FRMPD4: variants seen among roughly 807,000 people sequenced by gnomAD.
FRMPD4 encodes FERM and PDZ domain containing 4, also known as FERM and PDZ domain-containing protein 4.
In FRMPD4, 22 loss-of-function variants were observed where a neutral mutation model predicts 94.1. That is an observed-to-expected ratio of 0.23 (90% CI 0.17 to 0.33). FRMPD4 has a LOEUF of 0.33. Ranked by LOEUF, FRMPD4 falls within the 10% of genes least tolerant of loss-of-function variation. FRMPD4 has a pLI of 1.00. For synonymous variants in FRMPD4, 631 were observed against 548.6 expected, an observed-to-expected ratio of 1.15 and a Z score of -2.10; for missense variants, 1,111 against 1,339.9, an observed-to-expected ratio of 0.83 and a Z score of 2.67.
At chrX:11,962,211 A>G (rs892880525) in intron 3 of FRMPD4, among the ~76,000 whole-genome samples, 2 of 112,163 alleles carry the variant, frequency 1.8e-5, no homozygotes, top group East Asian at 2.8e-4. Context: ...TCTGTTATTT[A>G]TAAGTTACCC....
chrX:12,148,830 A>G (rs1235155403), intron 1 of FRMPD4, among the ~76,000 whole-genome samples: 1 of 112,197 alleles, frequency 8.9e-6, no homozygotes, highest in East Asian at 2.8e-4. Flanking sequence ...GAATTATGCT[A>G]ACTCTACTCT....
chrX:12,075,919 A>G (rs763039949), intron 3 of FRMPD4, among the ~76,000 whole-genome samples: 41 of 111,559 alleles, frequency 3.7e-4, no homozygotes, highest in African/African-American at 1.3e-3. Flanking sequence ...TTTAACCCCC[A>G]CTTCTGGCCT....
At chrX:12,535,915 C>G (rs1050666812) in intron 2 of FRMPD4, among the ~76,000 whole-genome samples, 1 of 110,589 alleles carries the variant, frequency 9.0e-6, no homozygotes, top group Admixed American at 9.7e-5. Context: ...AGATGTAGCT[C>G]ATTGCCTGGT....
At chrX:12,327,668 A>T (rs753882979) in intron 1 of FRMPD4, among the ~76,000 whole-genome samples, 6 of 111,672 alleles carry the variant, frequency 5.4e-5, no homozygotes, top group Non-Finnish European at 1.1e-4. Context: ...CTCTAGTAAC[A>T]GTTGCCAGAG....
chrX:12,717,038 A>G lies in FRMPD4; in HGVS notation c.2579A>G (p.Lys860Arg), dbSNP rs1569074310. The change falls in exon 15 of 17, where the codon AAG becomes AGG. Residue 860 changes from lysine to arginine, a missense_variant. By Grantham distance (26) the Lys-to-Arg change is conservative. Transcript: ENST00000675598. ...GCTGTGCCCACCAGCGCCGAAGGCAAGTGTGAGAAGGGACTGGATAATGCC... is the reference window on the plus strand; with the variant it reads ...GCTGTGCCCACCAGCGCCGAAGGCAGGTGTGAGAAGGGACTGGATAATGCC... The part of the protein sequence containing the change: ...IDAVPTSAEG[K>R]CEKGLDNAVV... 1.7e-6 allele frequency: 2 copies of G among 1,210,584 alleles called. No homozygotes were observed. Among genetic ancestry groups the G allele is most frequent in the Non-Finnish European group, 2.2e-6 (2 of 894,014 alleles).
chrX:12,240,586 A>G (rs2057118336), intron 1 of FRMPD4, among the ~76,000 whole-genome samples: 1 of 112,399 alleles, frequency 8.9e-6, no homozygotes, highest in Admixed American at 9.4e-5. Context: ...AGCTGTCATT[A>G]TTTCAGCTCA....
intron 3 of FRMPD4, among the ~76,000 whole-genome samples, chrX:11,935,064 T>C (rs1227990391): frequency 1.2e-5 from 1 of 80,425 alleles, no homozygotes; most frequent in Non-Finnish European, 2.4e-5. Flanking sequence ...TAGCAGCAAC[T>C]ATTGGTGATT....
intron 2 of FRMPD4, among the ~76,000 whole-genome samples, chrX:12,518,440 C>T (rs144926100): frequency 1.3e-3 from 143 of 111,950 alleles, no homozygotes; most frequent in African/African-American, 4.5e-3. Context: ...ATGCAAAAAT[C>T]CTCAAGAAAA....
intron 3 of FRMPD4, among the ~76,000 whole-genome samples, chrX:11,893,274 G>A (rs908711638): frequency 8.9e-6 from 1 of 111,749 alleles, no homozygotes; most frequent in African/African-American, 3.3e-5. Flanking sequence ...CCATGACCTT[G>A]ACAGTCTTAA....
intron 3 of FRMPD4, among the ~76,000 whole-genome samples, chrX:12,124,629 T>C (rs1015371418): frequency 2.7e-5 from 3 of 112,589 alleles, no homozygotes; most frequent in Non-Finnish European, 3.8e-5. Context: ...AACTAAATAT[T>C]TGATTCATAA....
At chrX:12,133,648 C>T (rs993530883), upstream of FRMPD4, among the ~76,000 whole-genome samples, 7 of 111,569 alleles carry the variant, frequency 6.3e-5, no homozygotes, top group Non-Finnish European at 1.3e-4. Context: ...TCCTCTCTTT[C>T]CCCACCTCCT....
intron 3 of FRMPD4, among the ~76,000 whole-genome samples, chrX:12,111,568 A>T (rs1305473271): frequency 9.0e-6 from 1 of 111,640 alleles, no homozygotes; most frequent in Admixed American, 9.5e-5. Flanking sequence ...AAATTGACAA[A>T]TGAGATCTAA....
intron 3 of FRMPD4, among the ~76,000 whole-genome samples, chrX:12,023,759 A>C (rs1233024670): frequency 9.0e-6 from 1 of 111,187 alleles, no homozygotes; most frequent in Non-Finnish European, 1.9e-5. Flanking sequence ...TTTTTAAGCA[A>C]TAACTCCCTT....
intron 3 of FRMPD4, among the ~76,000 whole-genome samples, chrX:12,079,118 G>T (rs981584228): frequency 9.0e-6 from 1 of 110,912 alleles, no homozygotes; most frequent in African/African-American, 3.3e-5. Context: ...GGGTTTAAAG[G>T]GTTCCAGTCC....
chrX:12,268,484 C>T (rs1446534845), intron 1 of FRMPD4, among the ~76,000 whole-genome samples: 2 of 111,970 alleles, frequency 1.8e-5, no homozygotes, highest in African/African-American at 6.5e-5. Flanking sequence ...CCAGGTCATC[C>T]CACCAACAGA....
chrX:12,346,605 A>T (rs1479061762), intron 1 of FRMPD4, among the ~76,000 whole-genome samples: 1 of 111,641 alleles, frequency 9.0e-6, no homozygotes, highest in African/African-American at 3.3e-5. Flanking sequence ...TTTTGTACAT[A>T]CGCCACTGCT....
At chrX:12,382,233 C>T (rs141822881) in intron 1 of FRMPD4, among the ~76,000 whole-genome samples, 46 of 111,788 alleles carry the variant, frequency 4.1e-4, no homozygotes, top group Middle Eastern at 4.6e-3. Flanking sequence ...GAGAAAGGAC[C>T]CTCTTTTCCT....
intron 3 of FRMPD4, among the ~76,000 whole-genome samples, chrX:11,928,414 A>G (rs956218167): frequency 1.8e-5 from 2 of 111,608 alleles, no homozygotes; most frequent in Admixed American, 9.5e-5. Context: ...AGCCCCATAT[A>G]AAACCATCAG....
intron 1 of FRMPD4, among the ~76,000 whole-genome samples, chrX:12,455,366 T>G (rs2057322483): frequency 9.0e-6 from 1 of 111,678 alleles, no homozygotes; most frequent in Admixed American, 9.5e-5. Flanking sequence ...AACCAATTAG[T>G]TATTGTTTAA....
Sources: gnomAD v4.1 joint callset for allele counts (sites outside exome capture counted in the v4.1 genomes callset) on GRCh38, gnomAD v4.1.1 for gene constraint, MANE v1.5 for transcripts, NCBI Gene and HGNC (gene_info 2026-07-23, HGNC 2026-07-21) for gene names.